The following STARD13 variants were observed in gnomAD, a reference collection of about 807,000 sequenced individuals.
The protein encoded by STARD13 is StAR related lipid transfer domain containing 13, also known as stAR-related lipid transfer protein 13.
A neutral mutation model predicts 106.4 loss-of-function variants in STARD13; 62 were observed. The ratio of observed to expected loss-of-function variants is 0.58; its 90% CI spans 0.48 to 0.72. The LOEUF (loss-of-function observed/expected upper bound fraction) is 0.72. Among genes scored for constraint, STARD13 ranks in the 30% least tolerant of loss-of-function variants. The pLI, the probability that STARD13 is intolerant of heterozygous loss-of-function variation, is 0.00. For synonymous variants in STARD13, 565 were observed against 553.0 expected, an observed-to-expected ratio of 1.02 and a Z score of -0.31; for missense variants, 1,387 against 1,424.0, an observed-to-expected ratio of 0.97 and a Z score of 0.42.
chr13:33,404,142 G>A, the STARD13 span, among the ~76,000 whole-genome samples: 1 of 152,158 alleles, frequency 6.6e-6, no homozygotes, highest in Non-Finnish European at 1.5e-5. Flanking sequence ...AGTTTTTCAT[G>A]GGTAGTGGGA....
the STARD13 span, among the ~76,000 whole-genome samples, chr13:33,521,863 G>GA: frequency 6.6e-5 from 10 of 151,594 alleles, no homozygotes; most frequent in African/African-American, 1.2e-4. Flanking sequence ...GAAACAAGAT[G>GA]AAAAAAAATA....
the STARD13 span, among the ~76,000 whole-genome samples, chr13:33,538,531 A>G: frequency 2.0e-5 from 3 of 152,240 alleles, no homozygotes; most frequent in African/African-American, 7.2e-5. Flanking sequence ...TCTCACTTCC[A>G]TATTAGATTA....
At chr13:33,638,932 C>CT in the STARD13 span, among the ~76,000 whole-genome samples, 2 of 152,012 alleles carry the variant, frequency 1.3e-5, no homozygotes, top group Non-Finnish European at 2.9e-5. Flanking sequence ...CACTTACATA[C>CT]TTTTTTTAGC....
At chr13:33,186,347 A>C (rs1232776483) in intron 1 of STARD13, among the ~76,000 whole-genome samples, 1 of 152,228 alleles carries the variant, frequency 6.6e-6, no homozygotes, top group Non-Finnish European at 1.5e-5. Flanking sequence ...CATTCTCAAC[A>C]GAGTCTTTTA....
chr13:33,315,665 T>C (rs7999996), intron 1 of STARD13, among the ~76,000 whole-genome samples: 5,361 of 152,212 alleles, frequency 0.035, 310 homozygotes, highest in African/African-American at 0.12. Flanking sequence ...ATGAGAATAA[T>C]TTCAAAACAA....
the STARD13 span, among the ~76,000 whole-genome samples, chr13:33,634,864 G>T: frequency 6.6e-6 from 1 of 152,110 alleles, no homozygotes; most frequent in Non-Finnish European, 1.5e-5. Flanking sequence ...TGAACCAGAA[G>T]ACATGCTCTG....
the STARD13 span, among the ~76,000 whole-genome samples, chr13:33,623,428 TAAAAAAAAAA>T: frequency 0.19 from 11,471 of 59,524 alleles, 1,585 homozygotes; most frequent in African/African-American, 0.39. Flanking sequence ...CTCAATAAAG[TAAAAAAAAAA>T]AAAAAAAAAA....
At chr13:33,451,995 C>T in the STARD13 span, among the ~76,000 whole-genome samples, 1,260 of 152,248 alleles carry the variant, frequency 8.3e-3, 15 homozygotes, top group African/African-American at 0.029. Context: ...TAATTTACTT[C>T]AAGAAACTCA....
chr13:33,543,945 G>C, the STARD13 span, among the ~76,000 whole-genome samples: 4 of 152,186 alleles, frequency 2.6e-5, no homozygotes, highest in African/African-American at 9.7e-5. Flanking sequence ...CTCCGTGGAT[G>C]GGAAGTAGTA....
chr13:33,310,669 T>C (rs1193453432), intron 1 of STARD13, among the ~76,000 whole-genome samples: 1 of 152,200 alleles, frequency 6.6e-6, no homozygotes, highest in African/African-American at 2.4e-5. Flanking sequence ...AATTTTAATA[T>C]ATAATCTTTT....
chr13:33,224,582 C>A (rs1314652108), intron 1 of STARD13, among the ~76,000 whole-genome samples: 2 of 152,208 alleles, frequency 1.3e-5, no homozygotes, highest in African/African-American at 4.8e-5. Context: ...AATCTTCTAC[C>A]TGGATGTGAT....
At chr13:33,428,010 C>T in the STARD13 span, among the ~76,000 whole-genome samples, 8 of 151,166 alleles carry the variant, frequency 5.3e-5, no homozygotes, top group Admixed American at 2.6e-4. Context: ...ATAGAGAACT[C>T]GGACATAAAT....
At chr13:33,615,007 A>G in the STARD13 span, among the ~76,000 whole-genome samples, 1 of 152,220 alleles carries the variant, frequency 6.6e-6, no homozygotes, top group African/African-American at 2.4e-5. Context: ...GGGACTTTAA[A>G]GGACAAGAAT....
At chr13:33,447,910 T>C in the STARD13 span, among the ~76,000 whole-genome samples, 3 of 152,186 alleles carry the variant, frequency 2.0e-5, no homozygotes, top group Non-Finnish European at 4.4e-5. Context: ...TTTATTACAA[T>C]ACAGAATTAA....
the STARD13 span, among the ~76,000 whole-genome samples, chr13:33,548,627 T>G: frequency 2.6e-5 from 4 of 152,162 alleles, no homozygotes; most frequent in African/African-American, 9.7e-5. Flanking sequence ...GTGATTTTTT[T>G]TAAAAAAATA....
chr13:33,608,174 T>G, the STARD13 span, among the ~76,000 whole-genome samples: 13 of 152,028 alleles, frequency 8.6e-5, no homozygotes. Flanking sequence ...CCCAAAGTAC[T>G]GGGATTACAG....
chr13:33,179,522 T>C (rs1885024990), intron 1 of STARD13, among the ~76,000 whole-genome samples: 1 of 152,228 alleles, frequency 6.6e-6, no homozygotes, highest in African/African-American at 2.4e-5. Context: ...GCTTCTCTTC[T>C]CTCAGCTCTC....
At chr13:33,624,131 A>G in the STARD13 span, among the ~76,000 whole-genome samples, 3 of 152,386 alleles carry the variant, frequency 2.0e-5, no homozygotes, top group South Asian at 6.2e-4. Context: ...ACGCCTACAA[A>G]AAGGCTTATT....
intron 9 of STARD13, 136 bp from the exon 10 acceptor site, chr13:33,112,028 A>T (rs929394358): frequency 2.0e-5 from 12 of 598,404 alleles, no homozygotes; most frequent in Non-Finnish European, 3.4e-5. Flanking sequence ...AAATAAAAAC[A>T]ATGATCACAT....
Sources: allele counts gnomAD v4.1 joint callset (sites outside exome capture counted in the v4.1 genomes callset), GRCh38; gene constraint gnomAD v4.1.1; transcripts MANE v1.5; gene names NCBI Gene and HGNC (gene_info 2026-07-23, HGNC 2026-07-21).